CDH13: variants seen among roughly 807,000 people sequenced by gnomAD.
CDH13 encodes cadherin 13, also known as cadherin-13.
In CDH13, 24 loss-of-function variants were observed where a neutral mutation model predicts 63.8. The ratio of observed to expected loss-of-function variants is 0.38; its 90% CI spans 0.27 to 0.53. CDH13 has a LOEUF of 0.53. Ranked by LOEUF, CDH13 falls within the 20% of genes least tolerant of loss-of-function variation. CDH13 has a pLI of 0.85. For missense variants in CDH13, 1,049 were observed against 903.1 expected, an observed-to-expected ratio of 1.16 and a Z score of -2.07; for synonymous variants, 503 against 355.3, an observed-to-expected ratio of 1.42 and a Z score of -4.67.
Position 83,513,540 on chromosome 16 carries a change from G to T in CDH13, c.960+26885G>T, listed in dbSNP as rs111789963. Among the ~76,000 whole-genome samples the T allele has an allele frequency of 8.3e-3, 1,271 of 152,232 alleles. 18 individuals carry two copies. Among genetic ancestry groups the T allele is most frequent in the African/African-American group, 0.028 (1,178 of 41,538 alleles). On this transcript the variant is annotated intron_variant, in intron 7 of 13. Coordinates refer to ENST00000567109, the MANE Select transcript of CDH13 (RefSeq NM_001257.5). ...GTTCTTTGTGGTTGGGAAGGCCTCA[G>T]GAGACTTACAATCATGGCAGAAGGG...
chr16:83,339,632 TCAGGTCTCCTGAATC>T (rs1341457770), intron 5 of CDH13, among the ~76,000 whole-genome samples: 2 of 152,084 alleles, frequency 1.3e-5, no homozygotes, highest in African/African-American at 2.4e-5. Flanking sequence ...GGATTCAGTA[TCAGGTCTCCTGAATC>T]CAGGTCCAGT....
chr16:82,851,482 G>A (rs1224299182), intron 1 of CDH13, among the ~76,000 whole-genome samples: 1 of 151,472 alleles, frequency 6.6e-6, no homozygotes, highest in African/African-American at 2.4e-5. Flanking sequence ...AAGCAACAAT[G>A]GGACCGACGA....
chr16:83,066,786 C>G (rs1425417587), intron 3 of CDH13, among the ~76,000 whole-genome samples: 1 of 152,202 alleles, frequency 6.6e-6, no homozygotes, highest in African/African-American at 2.4e-5. Flanking sequence ...TCAAAGTCCA[C>G]ATGGTCAGCA....
chr16:83,216,663 G>A (rs2039542203), intron 4 of CDH13, among the ~76,000 whole-genome samples: 1 of 142,872 alleles, frequency 7.0e-6, no homozygotes, highest in African/African-American at 2.6e-5. Flanking sequence ...ATATTTAGGG[G>A]TTTCACATAT....
intron 5 of CDH13, among the ~76,000 whole-genome samples, chr16:83,311,654 C>T (rs2090002941): frequency 1.3e-5 from 2 of 152,206 alleles, no homozygotes; most frequent in South Asian, 4.1e-4. Context: ...TTGTTCTGTA[C>T]ATAGCATAGG....
chr16:83,181,026 G>T, intron 4 of CDH13: 1 of 1,509,622 alleles, frequency 6.6e-7, no homozygotes, highest in Non-Finnish European at 8.8e-7. Flanking sequence ...CTTCCCACTA[G>T]CACTCGGTAT....
chr16:83,198,182 A>G (rs899861753), intron 4 of CDH13, among the ~76,000 whole-genome samples: 2 of 152,134 alleles, frequency 1.3e-5, no homozygotes, highest in African/African-American at 4.8e-5. Flanking sequence ...AAGAGGAAAA[A>G]AAGCAAACCT....
chr16:83,260,145 C>G (rs1024029828), intron 5 of CDH13, among the ~76,000 whole-genome samples: 1 of 149,466 alleles, frequency 6.7e-6, no homozygotes, highest in African/African-American at 2.5e-5. Context: ...CACACACACG[C>G]TCTCTCAAAA....
At chr16:82,717,786 A>C (rs1048743953) in intron 1 of CDH13, among the ~76,000 whole-genome samples, 5 of 152,222 alleles carry the variant, frequency 3.3e-5, no homozygotes, top group Non-Finnish European at 7.3e-5. Flanking sequence ...AAAAGTTAAT[A>C]TAGATGAGTT....
At chr16:82,889,166 G>T (rs924872050) in intron 2 of CDH13, among the ~76,000 whole-genome samples, 3 of 151,954 alleles carry the variant, frequency 2.0e-5, no homozygotes, top group East Asian at 1.9e-4. Flanking sequence ...CTTTCCTTTT[G>T]TTCAAAAAAT....
At chr16:83,478,276 T>C (rs1442603467) in intron 6 of CDH13, among the ~76,000 whole-genome samples, 1 of 152,130 alleles carries the variant, frequency 6.6e-6, no homozygotes, top group African/African-American at 2.4e-5. Flanking sequence ...ACGCTCCAGT[T>C]TGCCACCAAC....
rs139059699 is a variant in CDH13 at position 82,883,663 on chromosome 16, T to C, written c.157+25190T>C. ...TCATCTCTACGAGGGAGTCATAAAT[T>C]TGCATCTTGCTCACAGAGCTGCTGT... is the stretch of plus-strand genomic sequence containing the variant. On this transcript the variant is annotated intron_variant, in intron 2 of 13. Coordinates refer to ENST00000567109, the MANE Select transcript of CDH13 (RefSeq NM_001257.5). Among the ~76,000 whole-genome samples the C allele has an allele frequency of 2.7e-3, 416 of 152,266 alleles. 2 individuals carry two copies. The highest frequency in any genetic ancestry group is 9.0e-3 in the African/African-American group (372 of 41,552).
intron 6 of CDH13, among the ~76,000 whole-genome samples, chr16:83,469,675 C>T (rs1433958374): frequency 1.3e-5 from 2 of 152,144 alleles, no homozygotes; most frequent in Non-Finnish European, 1.5e-5. Context: ...CCACATGAGG[C>T]CTTTTCAGTC....
At chr16:83,494,813 T>C (rs1293315697) in intron 7 of CDH13, among the ~76,000 whole-genome samples, 2 of 152,214 alleles carry the variant, frequency 1.3e-5, no homozygotes, top group Admixed American at 1.3e-4. Flanking sequence ...GGTATCTCAT[T>C]TGCTGTGCCT....
chr16:82,694,724 G>A (rs1055888884), intron 1 of CDH13, among the ~76,000 whole-genome samples: 1 of 152,134 alleles, frequency 6.6e-6, no homozygotes, highest in African/African-American at 2.4e-5. Flanking sequence ...CCACCAGTAT[G>A]ATTCACCCAA....
rs369462246 is a variant in CDH13 at position 83,443,117 on chromosome 16, T to C, written c.782-43360T>C. The stretch of plus-strand genomic sequence containing the variant: ...CTGAAGTTTGCAACTGAAAAATCGC[T>C]CAGAAAATACTTATCACCTTCCATG... On this transcript the variant is annotated intron_variant, in intron 6 of 13. Transcript: ENST00000567109. 4.6e-5 allele frequency among the ~76,000 whole-genome samples: 7 copies of C among 152,332 alleles called. No individual in the cohort carries two copies. The South Asian group carries it at 6.2e-4, about 14-fold the overall frequency.
chr16:83,425,417 C>T (rs180969113), intron 6 of CDH13, among the ~76,000 whole-genome samples: 5 of 152,374 alleles, frequency 3.3e-5, no homozygotes, highest in East Asian at 1.9e-4. Flanking sequence ...CACTTACCTG[C>T]TGCGTTCCCA....
chr16:82,740,222 G>A (rs1294782516), intron 1 of CDH13, among the ~76,000 whole-genome samples: 1 of 152,136 alleles, frequency 6.6e-6, no homozygotes, highest in African/African-American at 2.4e-5. Context: ...CATCCCAACA[G>A]AATCAATAGT....
chr16:83,733,024 A>G (rs536154811), intron 10 of CDH13, among the ~76,000 whole-genome samples: 1 of 152,324 alleles, frequency 6.6e-6, no homozygotes, highest in East Asian at 1.9e-4. Flanking sequence ...ACAACATCAG[A>G]TAGTAAATGC....
Sources: allele counts gnomAD v4.1 joint callset (sites outside exome capture counted in the v4.1 genomes callset), GRCh38; gene constraint gnomAD v4.1.1; transcripts MANE v1.5; gene names NCBI Gene and HGNC (gene_info 2026-07-23, HGNC 2026-07-21).